ARHGAP10: variants seen among roughly 807,000 people sequenced by gnomAD.
ARHGAP10 encodes the protein Rho GTPase activating protein 10.
In ARHGAP10, 87 loss-of-function variants were observed where a neutral mutation model predicts 108.6. The observed-to-expected ratio is 0.80, with a 90% CI of 0.67 to 0.96. The LOEUF is 0.96. ARHGAP10 is among the 40% of genes least tolerant of loss of function. The pLI is 0.00. For missense variants in ARHGAP10, 939 were observed against 954.5 expected (o/e 0.98, Z 0.21); for synonymous variants, 347 against 341.1 (o/e 1.02, Z -0.19).
At chr4:147,870,104 C>T (rs1734752757) in intron 7 of ARHGAP10, among the ~76,000 whole-genome samples, 1 of 151,336 alleles carries the variant, frequency 6.6e-6, no homozygotes, top group Non-Finnish European at 1.5e-5. Flanking sequence ...TGGAGTGCAG[C>T]GGCCCAATCA....
At chr4:147,924,605 A>G (rs2126939471) in intron 13 of ARHGAP10, among the ~76,000 whole-genome samples, 1 of 152,328 alleles carries the variant, frequency 6.6e-6, no homozygotes, top group Non-Finnish European at 1.5e-5. Context: ...GCTACAGAGT[A>G]GGCATGCTAG....
chr4:147,955,548 G>A (rs1341309953), intron 16 of ARHGAP10, among the ~76,000 whole-genome samples, 174 bp downstream of exon 16: 1 of 152,060 alleles, frequency 6.6e-6, no homozygotes, highest in East Asian at 1.9e-4. Flanking sequence ...AAAAGGGACA[G>A]TATATTCTTT....
intron 18 of ARHGAP10, among the ~76,000 whole-genome samples, chr4:148,017,044 A>G (rs1741375668): frequency 6.6e-6 from 1 of 151,506 alleles, no homozygotes; most frequent in African/African-American, 2.4e-5. Context: ...AATCCCAGCT[A>G]CTCGGGAGGC....
intron 4 of ARHGAP10, chr4:147,854,571 C>A (rs552162592): frequency 3.1e-5 from 11 of 350,546 alleles, no homozygotes; most frequent in Non-Finnish European, 4.4e-5. Flanking sequence ...TACGCTGTTA[C>A]ATTTATATAT....
chr4:147,995,512 T>G (rs1253142532), intron 18 of ARHGAP10, among the ~76,000 whole-genome samples: 1 of 152,226 alleles, frequency 6.6e-6, no homozygotes, highest in Non-Finnish European at 1.5e-5. Context: ...TCCTTATGTA[T>G]TTACCAGCAT....
At chr4:147,949,812 A>G (rs1738527323) in intron 15 of ARHGAP10, among the ~76,000 whole-genome samples, 2 of 149,502 alleles carry the variant, frequency 1.3e-5, no homozygotes, top group South Asian at 4.4e-4. Context: ...CTAAGGGTGG[A>G]AATCCACCTT....
chr4:148,010,496 A>G (rs778017474), intron 18 of ARHGAP10, among the ~76,000 whole-genome samples: 11 of 152,200 alleles, frequency 7.2e-5, no homozygotes, highest in Non-Finnish European at 1.5e-4. Context: ...ACCCACAGAA[A>G]GGTTGCAAGA....
At chr4:147,904,547 AC>A (rs1302091523) in intron 10 of ARHGAP10, among the ~76,000 whole-genome samples, 3 of 152,158 alleles carry the variant, frequency 2.0e-5, no homozygotes, top group Admixed American at 2.0e-4. Context: ...CCATGTCCCT[AC>A]AAGGACATGA....
At chr4:147,758,060 T>C (rs1379579428) in intron 1 of ARHGAP10, among the ~76,000 whole-genome samples, 1 of 152,104 alleles carries the variant, frequency 6.6e-6, no homozygotes, top group East Asian at 1.9e-4. Context: ...AAGAATTTGG[T>C]GAGACCAGCC....
intron 15 of ARHGAP10, among the ~76,000 whole-genome samples, chr4:147,948,804 GAA>G (rs561065780): frequency 0.021 from 3,048 of 142,672 alleles, 106 homozygotes; most frequent in African/African-American, 0.073. Flanking sequence ...AAAAATACAA[GAA>G]AAAAAAAAAA....
chr4:147,920,694 A>G (rs1343601056), intron 13 of ARHGAP10, among the ~76,000 whole-genome samples: 3 of 152,216 alleles, frequency 2.0e-5, no homozygotes, highest in African/African-American at 7.2e-5. Flanking sequence ...TAAGTAATTG[A>G]AGTGTACCAG....
chr4:147,850,661 G>A (rs1260174568), intron 4 of ARHGAP10, among the ~76,000 whole-genome samples: 1 of 152,172 alleles, frequency 6.6e-6, no homozygotes, highest in Non-Finnish European at 1.5e-5. Context: ...TTTAAGAACT[G>A]TAACACTCAC....
chr4:148,040,814 T>TG (rs548288482), intron 19 of ARHGAP10, among the ~76,000 whole-genome samples: 18,745 of 151,636 alleles, frequency 0.12, 1,799 homozygotes, highest in African/African-American at 0.26. Context: ...AAAAAAGATT[T>TG]GGGGGGGGTT....
chr4:147,765,973 T>C (rs1032188236), intron 1 of ARHGAP10, among the ~76,000 whole-genome samples: 108 of 152,238 alleles, frequency 7.1e-4, no homozygotes, highest in Non-Finnish European at 7.2e-4. Flanking sequence ...CTGCAGATGC[T>C]CTCAAGTCCC....
At chr4:147,949,943 T>C (rs1422388829) in intron 15 of ARHGAP10, among the ~76,000 whole-genome samples, 1 of 152,244 alleles carries the variant, frequency 6.6e-6, no homozygotes, top group Non-Finnish European at 1.5e-5. Context: ...GATTTCTTTT[T>C]GGATCTTGAT....
intron 10 of ARHGAP10, among the ~76,000 whole-genome samples, chr4:147,895,082 A>G (rs1484126250): frequency 6.6e-6 from 1 of 152,192 alleles, no homozygotes; most frequent in Admixed American, 6.5e-5. Flanking sequence ...CTTACAGTTC[A>G]TGAACTTGAT....
intron 14 of ARHGAP10, among the ~76,000 whole-genome samples, chr4:147,941,352 T>A (rs1738158135): frequency 6.6e-6 from 1 of 152,224 alleles, no homozygotes; most frequent in Admixed American, 6.5e-5. Context: ...CATAAAATTC[T>A]ACGTGTACAG....
intron 1 of ARHGAP10, among the ~76,000 whole-genome samples, chr4:147,746,955 A>C (rs748862790): frequency 3.9e-5 from 6 of 152,134 alleles, no homozygotes; most frequent in Non-Finnish European, 5.9e-5. Flanking sequence ...GACTTGTAAG[A>C]GTGGTTTTCC....
rs796180657 is a variant in ARHGAP10, at chr4:147,914,566, C to G, written c.1228+1427C>G. Among the ~76,000 whole-genome samples the G allele has an allele frequency of 1.9e-3, 205 of 107,238 alleles. 1 individual carries two copies. The highest frequency in any genetic ancestry group is 3.3e-3 in the African/African-American group (96 of 29,216). 70.4% of individuals were successfully genotyped at this position (107,238 alleles called of 152,430 possible). The stretch of plus-strand genomic sequence containing the variant: ...ACGCATGTTCTGCGCTCCCCCCCCC[C>G]CCTTTTTTTTTTTAACATCTTCAGC... On this transcript the variant is annotated intron_variant, in intron 13 of 22. Coordinates refer to ENST00000336498, the MANE Select transcript of ARHGAP10 (RefSeq NM_024605.4).
Sources: gnomAD v4.1 joint callset for allele counts (sites outside exome capture counted in the v4.1 genomes callset) on GRCh38, gnomAD v4.1.1 for gene constraint, MANE v1.5 for transcripts, NCBI Gene and HGNC (gene_info 2026-07-23, HGNC 2026-07-21) for gene names.